The following KAZN variants were observed in gnomAD, a reference collection of about 807,000 sequenced individuals.
KAZN encodes kazrin.
Under a neutral mutation model 87.4 loss-of-function variants are expected in KAZN, and 40 were observed. That is an observed-to-expected ratio of 0.46 (90% CI 0.36 to 0.60). KAZN has a LOEUF of 0.60. KAZN is among the 20% of genes least tolerant of loss of function. The pLI is 0.00. For missense variants in KAZN, 898 were observed against 1,073.9 expected, an observed-to-expected ratio of 0.84 and a Z score of 2.29; for synonymous variants, 466 against 458.3, an observed-to-expected ratio of 1.02 and a Z score of -0.22.
At chr1:14,367,439 C>A in intron 2 of KAZN, among the ~76,000 whole-genome samples, 1 of 152,128 alleles carries the variant, frequency 6.6e-6, no homozygotes, top group Non-Finnish European at 1.5e-5. Flanking sequence ...TCTGATGGAG[C>A]CTGGGGTTTT....
At chr1:14,421,195 T>C (rs1396398100) in intron 2 of KAZN, among the ~76,000 whole-genome samples, 1 of 152,246 alleles carries the variant, frequency 6.6e-6, no homozygotes, top group Non-Finnish European at 1.5e-5. Context: ...AAATAATTGT[T>C]TGCCCTCATT....
Position 14,022,501 on chromosome 1 carries a change from A to G in KAZN, c.91+128745A>G, listed in dbSNP as rs1042637913. Reference sequence around the variant, plus strand: ...TATTTAAAGCAAAAAAAAAAAAAAAAAAAAAAAAAAAAAGAAAAAAAGAAA... The same window carrying G: ...TATTTAAAGCAAAAAAAAAAAAAAAGAAAAAAAAAAAAAGAAAAAAAGAAA... On this transcript the variant is annotated intron_variant, in intron 1 of 16. Coordinates refer to the KAZN transcript ENST00000636203. Among the ~76,000 whole-genome samples, 5 of 98,368 alleles carry G rather than the reference A, an allele frequency of 5.1e-5. No individual in the cohort carries two copies. In the East Asian group the frequency reaches 5.9e-4, roughly 12 times the overall value. The allele number at this position is 98,368 out of a possible 152,430, so 64.5% of individuals were successfully genotyped here. A position where few individuals can be genotyped will look rare whatever the true frequency, so the allele number is the denominator to read the frequency against.
At chr1:13,950,864 G>A (rs1641319662) in intron 1 of KAZN, among the ~76,000 whole-genome samples, 1 of 152,152 alleles carries the variant, frequency 6.6e-6, no homozygotes, top group Non-Finnish European at 1.5e-5. Context: ...TCAGGGGCAA[G>A]GTCGTCTATC....
In KAZN at chr1:14,973,106, A is replaced by G. The variant is rs113113880; in HGVS notation, c.418+12231A>G. Among the ~76,000 whole-genome samples, 588 of 152,246 alleles carry G rather than the reference A, an allele frequency of 3.9e-3. 3 individuals are homozygous for G. The highest frequency in any genetic ancestry group is 0.017 in the Middle Eastern group (5 of 294). ...CAAGATCGTACAGCATGCGAGTCTC[A>G]GCATTTGGATTTGAAGCTCTGTGTC... On this transcript the variant is annotated intron_variant, in intron 2 of 14. Transcript: ENST00000376030.
chr1:14,039,281 A>T (rs1349099536), intron 1 of KAZN, among the ~76,000 whole-genome samples: 1 of 152,210 alleles, frequency 6.6e-6, no homozygotes, highest in East Asian at 1.9e-4. Context: ...TTGCAGAGCC[A>T]AGACTTCCAC....
At chr1:14,770,936 G>C (rs1645003149) in intron 1 of KAZN, among the ~76,000 whole-genome samples, 1 of 152,110 alleles carries the variant, frequency 6.6e-6, no homozygotes, top group East Asian at 1.9e-4. Context: ...AGGGGAACAG[G>C]GAGACATCGA....
At chr1:14,277,453 C>G (rs1652459637) in intron 2 of KAZN, among the ~76,000 whole-genome samples, 1 of 152,032 alleles carries the variant, frequency 6.6e-6, no homozygotes. Flanking sequence ...ATCATGAGGT[C>G]AAGAGATTGA....
intron 2 of KAZN, among the ~76,000 whole-genome samples, chr1:14,199,164 T>A (rs1280643503): frequency 1.3e-5 from 2 of 152,196 alleles, no homozygotes; most frequent in Non-Finnish European, 2.9e-5. Context: ...GTGTTTCCCA[T>A]TGCATTTAGA....
intron 2 of KAZN, among the ~76,000 whole-genome samples, chr1:15,013,661 G>A (rs541682042): frequency 1.4e-4 from 21 of 152,024 alleles, no homozygotes; most frequent in African/African-American, 4.6e-4. Context: ...AGGCTGAGGC[G>A]GGAGAATCGC....
chr1:14,616,861 G>A (rs144880534), intron 1 of KAZN, among the ~76,000 whole-genome samples: 42 of 152,282 alleles, frequency 2.8e-4, no homozygotes, highest in Non-Finnish European at 4.4e-4. Context: ...GCTCCTGACC[G>A]TTTGTAATAC....
intron 2 of KAZN, among the ~76,000 whole-genome samples, chr1:14,288,331 C>G (rs949471849): frequency 6.6e-6 from 1 of 152,040 alleles, no homozygotes; most frequent in East Asian, 1.9e-4. Context: ...GGTTGGTAGG[C>G]TATTAATTAT....
At chr1:14,258,837 A>T (rs1301728345) in intron 2 of KAZN, among the ~76,000 whole-genome samples, 3 of 152,178 alleles carry the variant, frequency 2.0e-5, no homozygotes, top group Admixed American at 6.5e-5. Context: ...GTAGAGATTA[A>T]ATGATTTAAT....
chr1:15,092,558 G>A (rs1410971783), intron 8 of KAZN, among the ~76,000 whole-genome samples: 5 of 151,846 alleles, frequency 3.3e-5, no homozygotes, highest in South Asian at 2.1e-4. Context: ...TATAACCTCC[G>A]CCTCCCTGGC....
At chr1:14,104,870 C>T (rs1281096250) in intron 1 of KAZN, among the ~76,000 whole-genome samples, 1 of 152,122 alleles carries the variant, frequency 6.6e-6, no homozygotes, top group Admixed American at 6.5e-5. Context: ...TTTTCTTTTG[C>T]CTTCATTCCT....
chr1:14,543,128 C>T (rs920865090), intron 2 of KAZN, among the ~76,000 whole-genome samples: 1 of 152,154 alleles, frequency 6.6e-6, no homozygotes, highest in Admixed American at 6.5e-5. Context: ...GAGTTACTCA[C>T]CTTTAATTGG....
intron 2 of KAZN, among the ~76,000 whole-genome samples, chr1:14,486,306 CACCAACTCTCAG>C (rs1349633590): frequency 6.6e-6 from 1 of 152,124 alleles, no homozygotes; most frequent in Non-Finnish European, 1.5e-5. Context: ...TGTTCCTTTC[CACCAACTCTCAG>C]TTAAGACCAA....
intron 2 of KAZN, among the ~76,000 whole-genome samples, chr1:14,196,491 A>T (rs1399850874): frequency 6.6e-6 from 1 of 152,092 alleles, no homozygotes; most frequent in Admixed American, 6.6e-5. Flanking sequence ...TTGTTGATAT[A>T]TAGGATGGGA....
chr1:15,029,260 C>T (rs193207614), intron 2 of KAZN, among the ~76,000 whole-genome samples: 17 of 152,312 alleles, frequency 1.1e-4, no homozygotes, highest in Middle Eastern at 3.4e-3. Context: ...TCTATGAGAG[C>T]GTCAGCCTCC....
intron 1 of KAZN, among the ~76,000 whole-genome samples, chr1:14,062,576 C>T (rs1427368996): frequency 6.6e-6 from 1 of 151,964 alleles, no homozygotes; most frequent in Non-Finnish European, 1.5e-5. Context: ...GCCATTTGTT[C>T]AGTAATCTAT....
Sources: gnomAD v4.1 joint callset for allele counts (sites outside exome capture counted in the v4.1 genomes callset) on GRCh38, gnomAD v4.1.1 for gene constraint, MANE v1.5 for transcripts, NCBI Gene and HGNC (gene_info 2026-07-23, HGNC 2026-07-21) for gene names.